The following SMARCAL1 variants were observed in gnomAD, a reference collection of about 807,000 sequenced individuals.
The protein encoded by SMARCAL1 is SNF2 related chromatin remodeling annealing helicase 1, also known as ATP-driven annealing helicase.
A neutral mutation model predicts 94.5 loss-of-function variants in SMARCAL1; 58 were observed. That is an observed-to-expected ratio of 0.61 (90% CI 0.50 to 0.76). SMARCAL1 has a LOEUF of 0.76. Ranked by LOEUF, SMARCAL1 falls within the 30% of genes least tolerant of loss-of-function variation. SMARCAL1 has a pLI of 0.00. For synonymous variants in SMARCAL1, 422 were observed against 455.1 expected (o/e 0.93, Z 0.93); for missense variants, 1,051 against 1,177.9 (o/e 0.89, Z 1.58).
rs1695234433 is a variant in SMARCAL1 at position 216,483,024 on chromosome 2, T to C, written c.*47T>C. The stretch of plus-strand genomic sequence containing the variant: ...AAAAAGCATTTTAAAATCATGGAAT[T>C]GAAATAAAATAATGTATTTTGTTTT... On this transcript the variant is annotated 3_prime_UTR_variant, in exon 18 of 18. Transcript: ENST00000357276. 1.9e-6 allele frequency: 3 copies of C among 1,603,814 alleles called. No individual in the cohort carries two copies. The highest frequency in any genetic ancestry group is 2.7e-5 in the African/African-American group (2 of 74,576).
chr2:216,428,963 A>G (rs1010741818), intron 7 of SMARCAL1, among the ~76,000 whole-genome samples, 181 bp downstream of exon 7: 3 of 152,230 alleles, frequency 2.0e-5, no homozygotes, highest in African/African-American at 7.2e-5. Flanking sequence ...GTAACCATTG[A>G]TTTCAAATTC....
chr2:216,447,249 G>T, intron 11 of SMARCAL1, 91 bp downstream of exon 11: 1 of 1,483,782 alleles, frequency 6.7e-7, no homozygotes. Context: ...CCATGATATG[G>T]TCAGAAGAGC....
Position 216,482,534 on chromosome 2 carries a change from G to C in SMARCAL1, c.2626-204G>C, listed in dbSNP as rs184857634. ...TTTCCTAACTCAATGAGCACAGAGA[G>C]GGTAAGATGTCAGACACTAAAACAG... On this transcript the variant is annotated intron_variant, in intron 17 of 17. Coordinates refer to ENST00000357276, the MANE Select transcript of SMARCAL1 (RefSeq NM_014140.4). The surrounding 1 kb of genome is among the most constrained non-coding windows in gnomAD (Gnocchi z 4.3). Among the ~76,000 whole-genome samples the C allele has an allele frequency of 2.9e-3, 434 of 152,280 alleles. 6 individuals are homozygous for C. Among genetic ancestry groups the C allele is most frequent in the Non-Finnish European group, 2.6e-3 (177 of 68,030 alleles).
chr2:216,467,470 CAAAAAAAAAAAA>C (rs34678979), intron 13 of SMARCAL1, among the ~76,000 whole-genome samples: 2 of 47,834 alleles, frequency 4.2e-5, no homozygotes, highest in African/African-American at 6.2e-5. Context: ...AACTCAGTCT[CAAAAAAAAAAAA>C]AAAAAAAAAA....
chr2:216,451,085 A>G, intron 12 of SMARCAL1, 21 bp downstream of exon 12: 1 of 1,595,714 alleles, frequency 6.3e-7, no homozygotes, highest in Non-Finnish European at 8.6e-7. Context: ...GGCTGGAGAC[A>G]GATTTGGAAG....
At chr2:216,466,292 T>A (rs1044031593) in intron 13 of SMARCAL1, among the ~76,000 whole-genome samples, 1 of 152,220 alleles carries the variant, frequency 6.6e-6, no homozygotes, top group Non-Finnish European at 1.5e-5. Flanking sequence ...ATTTCTATTA[T>A]ACAATAAATT....
chr2:216,418,398 G>A (rs1693650448), intron 4 of SMARCAL1, among the ~76,000 whole-genome samples: 1 of 152,192 alleles, frequency 6.6e-6, no homozygotes, highest in African/African-American at 2.4e-5. Flanking sequence ...TTACACACTT[G>A]AGCTTTTGCC....
intron 12 of SMARCAL1, among the ~76,000 whole-genome samples, chr2:216,455,055 C>T (rs960242065): frequency 6.6e-6 from 1 of 152,250 alleles, no homozygotes; most frequent in Non-Finnish European, 1.5e-5. Flanking sequence ...GAGATTGTAT[C>T]CCGTGCCTGG....
At position 216,415,095 on chromosome 2, in the gene SMARCAL1, C is replaced by T; in HGVS notation, c.391C>T (p.Pro131Ser). The change falls in exon 3 of 18, where the codon CCA becomes TCA. Residue 131 changes from proline (P) to serine (S), a missense_variant. By Grantham distance (74) the Pro-to-Ser change is moderately conservative (BLOSUM62 -1). Coordinates refer to ENST00000357276, the MANE Select transcript of SMARCAL1 (RefSeq NM_014140.4). ...CTCTCCTCCCTTGGCACAAAGTCCT[C>T]CAGAGGTCCCTAAACAACAGCTCTT... ...GISPPLAQSP[P>S]EVPKQQLLSY... is the part of the protein sequence containing the mutation. 1 of 1,614,074 alleles carries T rather than the reference C, an allele frequency of 6.2e-7. No homozygotes were observed. Among genetic ancestry groups the T allele is most frequent in the Non-Finnish European group, 8.5e-7 (1 of 1,179,972 alleles).
chr2:216,436,462 G>A (rs1018361512), intron 9 of SMARCAL1, among the ~76,000 whole-genome samples: 1 of 152,244 alleles, frequency 6.6e-6, no homozygotes, highest in Admixed American at 6.5e-5. Context: ...GGAGCTTAGA[G>A]AAAGGAAGGA....
At chr2:216,481,445 C>T (rs1244933713) in intron 17 of SMARCAL1, among the ~76,000 whole-genome samples, 75 of 152,002 alleles carry the variant, frequency 4.9e-4, no homozygotes, top group Non-Finnish European at 4.1e-4. Context: ...ATCCCCCCGC[C>T]TCGGCCTCCC....
At chr2:216,416,998 G>A (rs187389629) in intron 4 of SMARCAL1, among the ~76,000 whole-genome samples, 31 of 152,342 alleles carry the variant, frequency 2.0e-4, no homozygotes, top group Admixed American at 3.9e-4. Flanking sequence ...GTGTCAAAGC[G>A]TCAGCCCTGT....
At chr2:216,460,898 G>A (rs561429546) in intron 12 of SMARCAL1, among the ~76,000 whole-genome samples, 25 of 152,222 alleles carry the variant, frequency 1.6e-4, no homozygotes, top group African/African-American at 5.8e-4. Flanking sequence ...CAAATGAACT[G>A]TATGTAATAT....
intron 10 of SMARCAL1, among the ~76,000 whole-genome samples, chr2:216,445,147 G>C (rs1044960381): frequency 6.6e-6 from 1 of 152,098 alleles, no homozygotes; most frequent in East Asian, 1.9e-4. Context: ...ATAGATTTCT[G>C]TTTTCCTAGA....
At chr2:216,461,546 A>C (rs1694704659) in intron 12 of SMARCAL1, among the ~76,000 whole-genome samples, 1 of 152,216 alleles carries the variant, frequency 6.6e-6, no homozygotes, top group African/African-American at 2.4e-5. Flanking sequence ...CATAATATTT[A>C]GCCAGGTGTG....
intron 4 of SMARCAL1, among the ~76,000 whole-genome samples, chr2:216,416,555 C>T (rs1693607890): frequency 6.6e-6 from 1 of 152,204 alleles, no homozygotes; most frequent in Admixed American, 6.5e-5. Flanking sequence ...TTCTAAGCCC[C>T]TTATGCTAAC....
chr2:216,420,166 T>C (rs933171400), intron 4 of SMARCAL1, 133 bp from the exon 5 acceptor site: 2 of 727,460 alleles, frequency 2.7e-6, no homozygotes, highest in African/African-American at 1.7e-5. Flanking sequence ...TGCCTTTTCT[T>C]GCCTTCCTGC....
chr2:216,414,029 A>G (rs568746204), intron 2 of SMARCAL1, 137 bp downstream of exon 2: 4 of 152,330 alleles, frequency 2.6e-5, no homozygotes, highest in Non-Finnish European at 4.4e-5. Flanking sequence ...TGGCTGGGCC[A>G]TGTGAGTTAT....
intron 12 of SMARCAL1, among the ~76,000 whole-genome samples, chr2:216,458,014 T>A (rs1220974975): frequency 6.6e-6 from 1 of 152,130 alleles, no homozygotes; most frequent in African/African-American, 2.4e-5. Context: ...TCACCACTGA[T>A]CCCACAGAAA....
Sources: gnomAD v4.1 joint callset for allele counts (sites outside exome capture counted in the v4.1 genomes callset) on GRCh38, gnomAD v4.1.1 for gene constraint, Gnocchi (gnomAD v3.1) non-coding constraint, MANE v1.5 for transcripts, NCBI Gene and HGNC (gene_info 2026-07-23, HGNC 2026-07-21) for gene names.